Variants in NKAIN2 observed in about 807,000 individuals in gnomAD.
NKAIN2 encodes sodium/potassium-transporting ATPase subunit beta-1-interacting protein 2.
NKAIN2 carries 14 observed loss-of-function variants against 32.6 expected under a neutral mutation model. The observed-to-expected ratio is 0.43, with a 90% confidence interval of 0.28 to 0.67. The LOEUF is 0.67. Ranked by LOEUF, NKAIN2 falls within the 30% of genes least tolerant of loss-of-function variation. The pLI is 0.17. For missense variants in NKAIN2, 198 were observed against 258.3 expected, an observed-to-expected ratio of 0.77 and a Z score of 1.60; for synonymous variants, 80 against 87.2, an observed-to-expected ratio of 0.92 and a Z score of 0.46.
chr6:123,834,193 T>G (rs1356816915), intron 1 of NKAIN2, among the ~76,000 whole-genome samples: 1 of 152,172 alleles, frequency 6.6e-6, no homozygotes, highest in Non-Finnish European at 1.5e-5. Context: ...CTTGCTCTGT[T>G]GCCCAGGCTG....
At chr6:124,720,411 G>T (rs1322605643) in intron 4 of NKAIN2, among the ~76,000 whole-genome samples, 1 of 151,830 alleles carries the variant, frequency 6.6e-6, no homozygotes, top group Non-Finnish European at 1.5e-5. Context: ...TTTAACATGT[G>T]GTAAATTAAG....
intron 1 of NKAIN2, among the ~76,000 whole-genome samples, chr6:124,135,707 G>A (rs975100404): frequency 8.6e-5 from 13 of 151,772 alleles, no homozygotes; most frequent in Non-Finnish European, 1.3e-4. Context: ...GAATAAAACC[G>A]TAAATTAACT....
intron 3 of NKAIN2, among the ~76,000 whole-genome samples, chr6:124,652,463 A>C (rs1440004934): frequency 6.6e-6 from 1 of 152,170 alleles, no homozygotes; most frequent in East Asian, 1.9e-4. Context: ...TCTACTCATT[A>C]CCTAGCTCTC....
At chr6:123,968,531 C>A (rs1269566130) in intron 1 of NKAIN2, among the ~76,000 whole-genome samples, 1 of 152,048 alleles carries the variant, frequency 6.6e-6, no homozygotes, top group Non-Finnish European at 1.5e-5. Context: ...CTTTCTTGGG[C>A]CATGTAGTGA....
intron 4 of NKAIN2, among the ~76,000 whole-genome samples, chr6:124,760,388 A>G (rs1428080674): frequency 2.4e-5 from 3 of 125,862 alleles, no homozygotes; most frequent in African/African-American, 8.9e-5. Context: ...TGTATAGCAA[A>G]CCTGCACACG....
chr6:123,944,894 T>C (rs1776995497), intron 1 of NKAIN2, among the ~76,000 whole-genome samples: 2 of 152,078 alleles, frequency 1.3e-5, no homozygotes, highest in African/African-American at 4.8e-5. Flanking sequence ...ATTGATATCT[T>C]ATCTAAGGGA....
intron 4 of NKAIN2, among the ~76,000 whole-genome samples, chr6:124,713,631 C>G (rs1385559258): frequency 6.6e-6 from 1 of 152,008 alleles, no homozygotes; most frequent in African/African-American, 2.4e-5. Context: ...GTTTTAGAGC[C>G]ATTGTGCATA....
intron 5 of NKAIN2, among the ~76,000 whole-genome samples, chr6:124,813,873 T>C (rs1582570621): frequency 6.6e-6 from 1 of 152,208 alleles, no homozygotes; most frequent in South Asian, 2.1e-4. Context: ...AACATCTAGC[T>C]GCCATCAAAA....
At chr6:124,565,283 A>G (rs1023654216) in intron 3 of NKAIN2, among the ~76,000 whole-genome samples, 6 of 152,180 alleles carry the variant, frequency 3.9e-5, no homozygotes, top group African/African-American at 1.2e-4. Context: ...AACAACCACA[A>G]TGTCAGTGCA....
At chr6:124,817,580 C>T (rs894981753) in intron 5 of NKAIN2, among the ~76,000 whole-genome samples, 2 of 151,970 alleles carry the variant, frequency 1.3e-5, no homozygotes, top group African/African-American at 4.8e-5. Flanking sequence ...CTTAGAAGCC[C>T]CATAGTGTCA....
intron 1 of NKAIN2, among the ~76,000 whole-genome samples, chr6:124,051,131 C>T (rs1582538486): frequency 1.3e-5 from 2 of 151,974 alleles, no homozygotes; most frequent in East Asian, 3.9e-4. Flanking sequence ...GTGTTTTGTA[C>T]TTGCATTTGA....
chr6:124,714,453 G>A lies in NKAIN2; in HGVS notation c.474+56067G>A, dbSNP rs535598846. Among the ~76,000 whole-genome samples the A allele has an allele frequency of 5.9e-5, 9 of 152,328 alleles. No individual in the cohort carries two copies. In the East Asian group the frequency reaches 1.7e-3, roughly 29 times the overall value. Reference sequence around the variant, plus strand: ...TACAATCCACTTCATGCTTGGAGCTGACATGGAAGTTTAACTTTCATTTTT... The same window carrying A: ...TACAATCCACTTCATGCTTGGAGCTAACATGGAAGTTTAACTTTCATTTTT... On this transcript the variant is annotated intron_variant, in intron 4 of 6. Transcript: ENST00000368417.
intron 1 of NKAIN2, among the ~76,000 whole-genome samples, chr6:123,977,280 G>A (rs1213426685): frequency 1.3e-5 from 2 of 152,154 alleles, no homozygotes; most frequent in Admixed American, 1.3e-4. Flanking sequence ...AAAAGGTGGT[G>A]TGTGCCTGTA....
intron 2 of NKAIN2, among the ~76,000 whole-genome samples, chr6:124,336,039 G>A (rs1451980625): frequency 6.6e-6 from 1 of 151,976 alleles, no homozygotes; most frequent in Admixed American, 6.6e-5. Context: ...TGTTTCTCTA[G>A]AAAACAAGAG....
At chr6:123,972,741 A>G (rs541247982) in intron 1 of NKAIN2, among the ~76,000 whole-genome samples, 1 of 152,146 alleles carries the variant, frequency 6.6e-6, no homozygotes, top group South Asian at 2.1e-4. Context: ...AATATTGACC[A>G]TGCCATTTAG....
At chr6:124,000,827 C>T (rs1022164108) in intron 1 of NKAIN2, among the ~76,000 whole-genome samples, 7 of 152,034 alleles carry the variant, frequency 4.6e-5, no homozygotes, top group African/African-American at 1.7e-4. Context: ...AGTTCAAAAT[C>T]ACACCAAAAA....
chr6:124,678,648 C>G (rs1422173589), intron 4 of NKAIN2, among the ~76,000 whole-genome samples: 1 of 152,088 alleles, frequency 6.6e-6, no homozygotes, highest in Non-Finnish European at 1.5e-5. Context: ...ATCTTTATGA[C>G]AGTTATTTTG....
intron 3 of NKAIN2, among the ~76,000 whole-genome samples, chr6:124,452,307 T>C (rs1776142755): frequency 6.6e-6 from 1 of 152,098 alleles, no homozygotes; most frequent in South Asian, 2.1e-4. Flanking sequence ...CTCAGTTTGT[T>C]GACCAGAGCA....
chr6:123,831,522 A>G (rs1774376420), intron 1 of NKAIN2, among the ~76,000 whole-genome samples: 1 of 150,908 alleles, frequency 6.6e-6, no homozygotes, highest in Non-Finnish European at 1.5e-5. Flanking sequence ...TATTTTTATT[A>G]AAGACTTTAT....
Sources: gnomAD v4.1 joint callset for allele counts (sites outside exome capture counted in the v4.1 genomes callset) on GRCh38, gnomAD v4.1.1 for gene constraint, MANE v1.5 for transcripts, NCBI Gene and HGNC (gene_info 2026-07-23, HGNC 2026-07-21) for gene names.